Variants in SGCZ observed in about 807,000 individuals in gnomAD.
The protein encoded by SGCZ is zeta-sarcoglycan.
SGCZ carries 40 observed loss-of-function variants against 41.3 expected under a neutral mutation model. The observed-to-expected ratio is 0.97, with a 90% CI of 0.75 to 1.26. The LOEUF (loss-of-function observed/expected upper bound fraction) is 1.26. Among genes scored for constraint, SGCZ ranks in the 50% most tolerant of loss-of-function variants. The pLI, the probability that SGCZ is intolerant of heterozygous loss-of-function variation, is 0.00. For synonymous variants in SGCZ, 206 were observed against 137.5 expected (o/e 1.50, Z -3.49); for missense variants, 552 against 369.8 (o/e 1.49, Z -4.04).
intron 1 of SGCZ, among the ~76,000 whole-genome samples, chr8:15,032,997 T>G (rs1803736489): frequency 6.6e-6 from 1 of 151,520 alleles, no homozygotes; most frequent in Admixed American, 6.6e-5. Context: ...GCACCCCTAC[T>G]CCAAGGCAAC....
intron 1 of SGCZ, among the ~76,000 whole-genome samples, chr8:14,642,651 A>G (rs72607320): frequency 0.19 from 29,254 of 151,452 alleles, 3,340 homozygotes; most frequent in East Asian, 0.6. Flanking sequence ...TCTTATTGTC[A>G]ATGCTACTTT....
chr8:14,676,841 A>G (rs187392023), intron 1 of SGCZ, among the ~76,000 whole-genome samples: 1,904 of 152,254 alleles, frequency 0.013, 35 homozygotes, highest in African/African-American at 0.031. Flanking sequence ...TCTGTAAAAA[A>G]CGTACAGCTA....
chr8:14,613,306 G>T (rs2117346188), intron 1 of SGCZ, among the ~76,000 whole-genome samples: 1 of 152,210 alleles, frequency 6.6e-6, no homozygotes, highest in African/African-American at 2.4e-5. Flanking sequence ...CTATTATTTT[G>T]ATTTTATTGA....
intron 2 of SGCZ, among the ~76,000 whole-genome samples, chr8:14,504,617 T>A (rs1160515050): frequency 6.6e-6 from 1 of 152,218 alleles, no homozygotes; most frequent in Non-Finnish European, 1.5e-5. Flanking sequence ...TCTGTTCTTT[T>A]ATCTTTTTAT....
At chr8:14,394,152 T>TCCC (rs1169962725) in intron 2 of SGCZ, among the ~76,000 whole-genome samples, 26 of 68,046 alleles carry the variant, frequency 3.8e-4, no homozygotes, top group African/African-American at 1.8e-3. Context: ...CCTTTTTTTT[T>TCCC]TTTTTTTTTT....
At chr8:14,325,032 T>C (rs1264515772) in intron 2 of SGCZ, among the ~76,000 whole-genome samples, 1 of 152,048 alleles carries the variant, frequency 6.6e-6, no homozygotes, top group African/African-American at 2.4e-5. Context: ...CAATGGAGAG[T>C]ACATTTTGGA....
At chr8:15,047,738 C>A (rs894671683) in intron 1 of SGCZ, among the ~76,000 whole-genome samples, 2 of 151,970 alleles carry the variant, frequency 1.3e-5, no homozygotes, top group Admixed American at 6.6e-5. Flanking sequence ...GTTTCTATAG[C>A]TGCATTAACA....
At chr8:14,974,072 G>A (rs772645861) in intron 1 of SGCZ, among the ~76,000 whole-genome samples, 1 of 152,020 alleles carries the variant, frequency 6.6e-6, no homozygotes, top group Non-Finnish European at 1.5e-5. Context: ...AATCATTATC[G>A]AATGCTTGAG....
intron 1 of SGCZ, among the ~76,000 whole-genome samples, chr8:14,762,668 T>C (rs1799926697): frequency 6.6e-6 from 1 of 152,208 alleles, no homozygotes; most frequent in Non-Finnish European, 1.5e-5. Flanking sequence ...GAAATTTCTA[T>C]CCTATGATTT....
At chr8:14,439,492 A>G (rs1800186338) in intron 2 of SGCZ, among the ~76,000 whole-genome samples, 2 of 151,754 alleles carry the variant, frequency 1.3e-5, no homozygotes, top group Non-Finnish European at 2.9e-5. Context: ...AACAGAAAAC[A>G]CATATCAATA....
Position 14,664,696 on chromosome 8 carries a change from C to T in SGCZ, c.40-109770G>A, listed in dbSNP as rs368984902. On this transcript the variant is annotated intron_variant, in intron 1 of 7. Transcript: ENST00000382080. ...TTTCATGTGTGTCACTTAGTGTATG[C>T]TATATGATTATCTTATGAAAACACT... Among the ~76,000 whole-genome samples the T allele has an allele frequency of 2.0e-5, 3 of 152,268 alleles. No homozygotes were observed. In the East Asian group the frequency reaches 5.8e-4, roughly 29 times the overall value.
intron 1 of SGCZ, among the ~76,000 whole-genome samples, chr8:15,016,687 TC>T (rs1047762210): frequency 2.6e-5 from 4 of 152,162 alleles, no homozygotes; most frequent in African/African-American, 9.7e-5. Context: ...AATGTGTTAG[TC>T]TATTTTACAT....
chr8:14,478,642 A>C (rs1184738372), intron 2 of SGCZ, among the ~76,000 whole-genome samples: 2 of 151,760 alleles, frequency 1.3e-5, no homozygotes, highest in African/African-American at 2.4e-5. Context: ...AATGAAACTG[A>C]AATTTAAAAT....
chr8:15,043,998 A>T (rs1340021037), intron 1 of SGCZ, among the ~76,000 whole-genome samples: 1 of 152,088 alleles, frequency 6.6e-6, no homozygotes, highest in Non-Finnish European at 1.5e-5. Context: ...CTCTCCTTCA[A>T]TGCAGAGAAC....
intron 1 of SGCZ, among the ~76,000 whole-genome samples, chr8:14,705,347 A>AT (rs929968999): frequency 1.3e-5 from 2 of 151,844 alleles, no homozygotes; most frequent in Non-Finnish European, 2.9e-5. Context: ...GTCATTTGTG[A>AT]TTTTTTTCTG....
At chr8:14,215,870 G>A (rs1366610661) in intron 4 of SGCZ, among the ~76,000 whole-genome samples, 1 of 152,220 alleles carries the variant, frequency 6.6e-6, no homozygotes, top group African/African-American at 2.4e-5. Context: ...CCCAGATGGT[G>A]CCGGGTGCAA....
intron 4 of SGCZ, among the ~76,000 whole-genome samples, chr8:14,195,223 A>G (rs1452187129): frequency 6.6e-6 from 1 of 152,130 alleles, no homozygotes; most frequent in African/African-American, 2.4e-5. Flanking sequence ...GTCTGGAGAA[A>G]AGTCAGGGAC....
At chr8:14,827,182 C>T (rs1802359171) in intron 1 of SGCZ, among the ~76,000 whole-genome samples, 2 of 150,862 alleles carry the variant, frequency 1.3e-5, no homozygotes. Context: ...AAAACAGACT[C>T]CAATGTGCCA....
chr8:14,794,857 C>A (rs1231968457), intron 1 of SGCZ, among the ~76,000 whole-genome samples: 1 of 152,156 alleles, frequency 6.6e-6, no homozygotes, highest in East Asian at 1.9e-4. Context: ...AACACTACAG[C>A]ATCTCTACTA....
Sources: allele counts gnomAD v4.1 joint callset (sites outside exome capture counted in the v4.1 genomes callset), GRCh38; gene constraint gnomAD v4.1.1; transcripts MANE v1.5; gene names NCBI Gene and HGNC (gene_info 2026-07-23, HGNC 2026-07-21).